SIK3: variants seen among roughly 807,000 people sequenced by gnomAD.
The protein encoded by SIK3 is SIK family kinase 3, also known as serine/threonine-protein kinase SIK3.
Under a neutral mutation model 144.2 loss-of-function variants are expected in SIK3, and 28 were observed. The observed-to-expected ratio is 0.19, with a 90% CI of 0.14 to 0.27. The LOEUF (loss-of-function observed/expected upper bound fraction) is 0.27, where lower values mean the gene tolerates loss of function less well. Among genes scored for constraint, SIK3 ranks in the 10% least tolerant of loss-of-function variants. SIK3 has a pLI of 1.00. For missense variants in SIK3, 1,319 were observed against 1,776.0 expected (o/e 0.74, Z 4.62); for synonymous variants, 686 against 676.3 (o/e 1.01, Z -0.22).
intron 1 of SIK3, among the ~76,000 whole-genome samples, chr11:117,031,687 A>ATTTTTTTTTTTTTTTTTTT (rs57524562): frequency 3.7e-5 from 3 of 81,530 alleles, no homozygotes; most frequent in African/African-American, 1.1e-4. Context: ...CACCCGGCTA[A>ATTTTTTTTTTTTTTTTTTT]TTTTTTTTTT....
chr11:116,879,586 A>G (rs1555079496), intron 6 of SIK3, among the ~76,000 whole-genome samples: 2 of 152,322 alleles, frequency 1.3e-5, no homozygotes, highest in South Asian at 2.1e-4. Context: ...ACCATTCTAT[A>G]TTACTGTTGT....
intron 1 of SIK3, among the ~76,000 whole-genome samples, chr11:117,005,496 G>A (rs1951015120): frequency 6.6e-6 from 1 of 152,084 alleles, no homozygotes; most frequent in African/African-American, 2.4e-5. Context: ...ACAGAACAGT[G>A]ACTGGTTCAC....
intron 1 of SIK3, among the ~76,000 whole-genome samples, chr11:117,056,536 G>GATAGAT (rs56258473): frequency 0.042 from 5,866 of 138,422 alleles, 164 homozygotes; most frequent in Non-Finnish European, 0.056. Context: ...AAAATATATA[G>GATAGAT]ATAGATATAG....
chr11:116,878,481 G>A lies in SIK3; in HGVS notation c.866-1439C>T, dbSNP rs571886845. ...TGCAACCTCCGCCTCCTGGGTTCACGTGATTCTCCTGCCTCAGCTTCTCCA... is the reference window on the plus strand; with the variant it reads ...TGCAACCTCCGCCTCCTGGGTTCACATGATTCTCCTGCCTCAGCTTCTCCA... On this transcript the variant is annotated intron_variant, in intron 6 of 24. Transcript: ENST00000445177. Among the ~76,000 whole-genome samples the A allele has an allele frequency of 4.6e-5, 7 of 151,656 alleles. No individual in the cohort carries two copies. The South Asian group carries it at 8.3e-4, about 18-fold the overall frequency.
intron 1 of SIK3, among the ~76,000 whole-genome samples, chr11:117,004,384 T>G (rs1950967328): frequency 6.6e-6 from 1 of 151,918 alleles, no homozygotes; most frequent in Non-Finnish European, 1.5e-5. Context: ...GGCGTGATGG[T>G]GCACACCTGT....
chr11:117,042,832 G>A (rs1952805501), intron 1 of SIK3, among the ~76,000 whole-genome samples: 1 of 152,146 alleles, frequency 6.6e-6, no homozygotes, highest in African/African-American at 2.4e-5. Flanking sequence ...AACCAATTAA[G>A]ATAAATTTTA....
intron 1 of SIK3, among the ~76,000 whole-genome samples, chr11:117,045,786 A>G (rs1213384587): frequency 6.6e-6 from 1 of 152,194 alleles, no homozygotes; most frequent in Non-Finnish European, 1.5e-5. Flanking sequence ...AATCTACTCC[A>G]TTATTTTGGC....
intron 1 of SIK3, among the ~76,000 whole-genome samples, chr11:117,036,930 T>G (rs757002068): frequency 6.6e-6 from 1 of 152,190 alleles, no homozygotes; most frequent in African/African-American, 2.4e-5. Context: ...ACAACAAAAT[T>G]TAAATGTGTT....
rs542310963 is a variant in SIK3 at position 117,088,714 on chromosome 11, T to C, written c.273+9429A>G. On this transcript the variant is annotated intron_variant, in intron 1 of 24. Coordinates refer to ENST00000445177, the MANE Select transcript of SIK3 (RefSeq NM_001366686.3). ...TTATTTGAGAAGTGCTCTGGCTCTG[T>C]TGCCCAGGCTGGAGTTCAGTGGTGC... Among the ~76,000 whole-genome samples, 8 of 152,310 alleles carry C rather than the reference T, an allele frequency of 5.3e-5. 1 individual carries two copies. The South Asian group carries it at 6.2e-4, about 12-fold the overall frequency.
chr11:116,938,967 AG>A (rs1948138605), intron 3 of SIK3, among the ~76,000 whole-genome samples: 1 of 152,214 alleles, frequency 6.6e-6, no homozygotes, highest in South Asian at 2.1e-4. Flanking sequence ...TGGAGATTGC[AG>A]AGAACCAATT....
chr11:116,982,043 C>G (rs1481173575), intron 1 of SIK3, among the ~76,000 whole-genome samples: 1 of 152,170 alleles, frequency 6.6e-6, no homozygotes. Context: ...TCTTTCCCCT[C>G]TCCAACCAGA....
chr11:116,850,232 A>G (rs1942319609), intron 21 of SIK3, among the ~76,000 whole-genome samples: 1 of 152,022 alleles, frequency 6.6e-6, no homozygotes, highest in Non-Finnish European at 1.5e-5. Context: ...ACAAAGACCA[A>G]CCGTTCTGTA....
chr11:117,007,144 G>A (rs1184878796), intron 1 of SIK3, among the ~76,000 whole-genome samples: 4 of 152,226 alleles, frequency 2.6e-5, no homozygotes, highest in East Asian at 1.9e-4. Flanking sequence ...TCGGGAGGCC[G>A]AGGCAGGTAG....
chr11:117,012,283 T>G (rs767119473), intron 1 of SIK3, among the ~76,000 whole-genome samples: 15 of 152,270 alleles, frequency 9.9e-5, no homozygotes, highest in Non-Finnish European at 2.1e-4. Flanking sequence ...CCTCAAATAC[T>G]TTTTAGAAAA....
chr11:116,969,828 T>G (rs1949705478), intron 1 of SIK3, among the ~76,000 whole-genome samples: 1 of 152,106 alleles, frequency 6.6e-6, no homozygotes, highest in African/African-American at 2.4e-5. Flanking sequence ...TGCAGAACAG[T>G]TTGGAAATCA....
chr11:117,065,770 C>T (rs1953982875), intron 1 of SIK3, among the ~76,000 whole-genome samples: 1 of 151,688 alleles, frequency 6.6e-6, no homozygotes, highest in Non-Finnish European at 1.5e-5. Context: ...GCTGGTATTA[C>T]AGGCATGCAC....
chr11:117,081,609 G>A (rs929528306), intron 1 of SIK3, among the ~76,000 whole-genome samples: 2 of 152,214 alleles, frequency 1.3e-5, no homozygotes, highest in African/African-American at 4.8e-5. Flanking sequence ...GGGCGACAGA[G>A]CGAGACTCCG....
At chr11:117,005,072 T>C (rs1950990926) in intron 1 of SIK3, among the ~76,000 whole-genome samples, 1 of 152,150 alleles carries the variant, frequency 6.6e-6, no homozygotes, top group Non-Finnish European at 1.5e-5. Flanking sequence ...TTTCCTACTA[T>C]ATCATTGAGA....
At chr11:116,870,560 T>C (rs1276785739) in intron 13 of SIK3, among the ~76,000 whole-genome samples, 159 bp from the exon 14 acceptor site, 1 of 152,248 alleles carries the variant, frequency 6.6e-6, no homozygotes, top group African/African-American at 2.4e-5. Flanking sequence ...TACCTATTTT[T>C]CCATTTTTAC....
Sources: gnomAD v4.1 joint callset for allele counts (sites outside exome capture counted in the v4.1 genomes callset) on GRCh38, gnomAD v4.1.1 for gene constraint, MANE v1.5 for transcripts, NCBI Gene and HGNC (gene_info 2026-07-23, HGNC 2026-07-21) for gene names.